Variants in TASP1 observed in about 807,000 individuals in gnomAD.
TASP1 encodes taspase 1, also known as threonine aspartase 1.
A neutral mutation model predicts 56.6 loss-of-function variants in TASP1; 16 were observed. The ratio of observed to expected loss-of-function variants is 0.28; its 90% CI spans 0.19 to 0.43. TASP1 has a LOEUF of 0.43. Ranked by LOEUF, TASP1 falls within the 20% of genes least tolerant of loss-of-function variation. The probability of loss-of-function intolerance (pLI) is 1.00; values close to 1 mark genes in which losing one functional copy is unlikely to be tolerated. For synonymous variants in TASP1, 179 were observed against 184.2 expected (o/e 0.97, Z 0.23); for missense variants, 393 against 511.6 (o/e 0.77, Z 2.24).
chr20:13,419,532 A>G (rs906278685), intron 12 of TASP1, among the ~76,000 whole-genome samples: 23 of 152,368 alleles, frequency 1.5e-4, no homozygotes, highest in African/African-American at 5.0e-4. Context: ...TTTCGAAGGC[A>G]TTTTTAAAGT....
At chr20:13,133,369 C>T in the TASP1 span, among the ~76,000 whole-genome samples, 21 of 151,902 alleles carry the variant, frequency 1.4e-4, 1 homozygote, top group East Asian at 2.7e-3. Flanking sequence ...TGCATAATGA[C>T]CCTGTAGTCA....
chr20:13,395,693 C>CTTTTTTTTTTT (rs71188158), intron 13 of TASP1, among the ~76,000 whole-genome samples: 1 of 136,424 alleles, frequency 7.3e-6, no homozygotes. Flanking sequence ...CCTCAGCTTT[C>CTTTTTTTTTTT]TTTTTTTTTT....
chr20:13,155,634 G>C, the TASP1 span, among the ~76,000 whole-genome samples: 15 of 152,192 alleles, frequency 9.9e-5, no homozygotes, highest in Non-Finnish European at 1.9e-4. Context: ...AAACCATCCT[G>C]GCCAACATGG....
chr20:13,248,161 C>A, the TASP1 span, among the ~76,000 whole-genome samples: 2 of 152,182 alleles, frequency 1.3e-5, no homozygotes, highest in Non-Finnish European at 2.9e-5. Flanking sequence ...CATAGTAGTA[C>A]ATTTCTTTGT....
chr20:13,161,337 A>G, the TASP1 span, among the ~76,000 whole-genome samples: 1 of 152,206 alleles, frequency 6.6e-6, no homozygotes, highest in African/African-American at 2.4e-5. Flanking sequence ...CTATGTGTCC[A>G]TGGTCCACCT....
the TASP1 span, chr20:13,117,553 A>G: frequency 6.2e-7 from 1 of 1,611,668 alleles, no homozygotes; most frequent in African/African-American, 1.3e-5. Context: ...GCTCTAAAGA[A>G]GAAATACAAG....
the TASP1 span, among the ~76,000 whole-genome samples, chr20:13,242,310 T>C: frequency 6.6e-6 from 1 of 152,112 alleles, no homozygotes; most frequent in African/African-American, 2.4e-5. Flanking sequence ...GACCAGAAAC[T>C]CCACAGAGCA....
chr20:13,267,424 A>T, the TASP1 span, among the ~76,000 whole-genome samples: 1 of 152,184 alleles, frequency 6.6e-6, no homozygotes, highest in South Asian at 2.1e-4. Flanking sequence ...TTGTGGCCTG[A>T]ACTGCCCAGC....
chr20:13,211,728 T>A, the TASP1 span, among the ~76,000 whole-genome samples: 1 of 152,184 alleles, frequency 6.6e-6, no homozygotes, highest in Non-Finnish European at 1.5e-5. Flanking sequence ...ATTGGCACTA[T>A]GGTAAGAGAC....
chr20:13,605,307 C>T (rs975251010), intron 4 of TASP1, among the ~76,000 whole-genome samples: 1 of 152,138 alleles, frequency 6.6e-6, no homozygotes, highest in African/African-American at 2.4e-5. Context: ...GTACACTTTA[C>T]ATTGATCAAT....
chr20:13,157,819 G>C, the TASP1 span, among the ~76,000 whole-genome samples: 1 of 152,190 alleles, frequency 6.6e-6, no homozygotes, highest in Non-Finnish European at 1.5e-5. Flanking sequence ...TTTATATGTA[G>C]AGACATTTTT....
the TASP1 span, among the ~76,000 whole-genome samples, chr20:13,321,890 C>T: frequency 6.6e-6 from 1 of 152,212 alleles, no homozygotes; most frequent in Non-Finnish European, 1.5e-5. Flanking sequence ...TAATTGGCTG[C>T]ATGCTAGCTA....
At chr20:13,569,655 T>A in intron 6 of TASP1, 69 bp from the exon 7 acceptor site, 1 of 1,336,406 alleles carries the variant, frequency 7.5e-7, no homozygotes, top group Non-Finnish European at 1.1e-6. Flanking sequence ...TAAATATAGG[T>A]AATATGGTAA....
At chr20:13,467,216 C>CACAT (rs1555864977) in intron 11 of TASP1, among the ~76,000 whole-genome samples, 3 of 140,984 alleles carry the variant, frequency 2.1e-5, no homozygotes, top group Non-Finnish European at 4.7e-5. Flanking sequence ...CACACACACA[C>CACAT]GACACACAAA....
chr20:13,486,912 T>C (rs1219848482), intron 10 of TASP1, among the ~76,000 whole-genome samples: 1 of 152,168 alleles, frequency 6.6e-6, no homozygotes, highest in Non-Finnish European at 1.5e-5. Flanking sequence ...TGTTTCTCCC[T>C]AGGATCAGAA....
At chr20:13,504,649 G>A (rs771854707) in intron 10 of TASP1, among the ~76,000 whole-genome samples, 5 of 152,106 alleles carry the variant, frequency 3.3e-5, no homozygotes, top group Non-Finnish European at 5.9e-5. Context: ...AAAAATACCT[G>A]TAGCTACAAT....
the TASP1 span, among the ~76,000 whole-genome samples, chr20:13,250,302 G>A: frequency 3.3e-5 from 5 of 152,206 alleles, no homozygotes; most frequent in Admixed American, 1.3e-4. Context: ...TAGCTTTCAA[G>A]GATGTGGCTG....
chr20:13,292,883 C>A, the TASP1 span, among the ~76,000 whole-genome samples: 1 of 151,964 alleles, frequency 6.6e-6, no homozygotes, highest in Non-Finnish European at 1.5e-5. Context: ...AATATTGCAC[C>A]TCCATCCCCT....
intron 1 of TASP1, among the ~76,000 whole-genome samples, chr20:13,637,840 T>C (rs889915045): frequency 3.9e-5 from 6 of 152,196 alleles, no homozygotes; most frequent in African/African-American, 1.4e-4. Flanking sequence ...CTTTGCGATA[T>C]GAGAAAAAGC....
Sources: gnomAD v4.1 joint callset for allele counts (sites outside exome capture counted in the v4.1 genomes callset) on GRCh38, gnomAD v4.1.1 for gene constraint, MANE v1.5 for transcripts, NCBI Gene and HGNC (gene_info 2026-07-23, HGNC 2026-07-21) for gene names.